The following LARP4B variants were observed in gnomAD, a reference collection of about 807,000 sequenced individuals.
The protein encoded by LARP4B is la-related protein 4B.
A neutral mutation model predicts 89.8 loss-of-function variants in LARP4B; 12 were observed. The ratio of observed to expected loss-of-function variants is 0.13; its 90% confidence interval spans 0.09 to 0.22. LARP4B has a LOEUF of 0.22. LARP4B is among the 10% of genes least tolerant of loss of function. The probability of loss-of-function intolerance (pLI) is 1.00; values close to 1 mark genes in which losing one functional copy is unlikely to be tolerated. For missense variants in LARP4B, 757 were observed against 947.7 expected (o/e 0.80, Z 2.64); for synonymous variants, 367 against 363.3 (o/e 1.01, Z -0.12).
At chr10:936,856 G>C in the LARP4B span, among the ~76,000 whole-genome samples, 1 of 152,172 alleles carries the variant, frequency 6.6e-6, no homozygotes, top group Non-Finnish European at 1.5e-5. Context: ...GGCAAATTAG[G>C]TGGAAGTATT....
chr10:945,676 A>C, the LARP4B span, among the ~76,000 whole-genome samples: 1 of 144,350 alleles, frequency 6.9e-6, no homozygotes, highest in Non-Finnish European at 1.5e-5. Context: ...CAACAGAGCG[A>C]GACTCCGTCT....
chr10:883,452 G>A (rs543012426), intron 3 of LARP4B, among the ~76,000 whole-genome samples: 18 of 152,058 alleles, frequency 1.2e-4, no homozygotes, highest in South Asian at 4.2e-4. Context: ...CGGAGGTTGC[G>A]GTGACCAAGA....
chr10:936,323 C>A (rs1265857233), upstream of LARP4B, among the ~76,000 whole-genome samples: 1 of 151,922 alleles, frequency 6.6e-6, no homozygotes, highest in Non-Finnish European at 1.5e-5. Context: ...GGGGTCCAAG[C>A]CAACTTAAGA....
the LARP4B span, among the ~76,000 whole-genome samples, chr10:965,439 C>G: frequency 2.7e-4 from 41 of 152,212 alleles, no homozygotes; most frequent in East Asian, 1.2e-3. Context: ...CCCGCTCCCC[C>G]CCGTTTCTCG....
chr10:843,796 A>G (rs1485184620), intron 6 of LARP4B, among the ~76,000 whole-genome samples: 1 of 152,182 alleles, frequency 6.6e-6, no homozygotes, highest in Non-Finnish European at 1.5e-5. Context: ...CATACCCAAA[A>G]TTCCTCCTGT....
At chr10:897,967 G>A (rs1483762772) in intron 1 of LARP4B, among the ~76,000 whole-genome samples, 3 of 113,740 alleles carry the variant, frequency 2.6e-5, no homozygotes, top group African/African-American at 3.5e-5. Context: ...CAGCCTGGGC[G>A]ACAAAGCGAG....
chr10:830,499 A>G (rs974998687), intron 9 of LARP4B, among the ~76,000 whole-genome samples: 2 of 152,192 alleles, frequency 1.3e-5, no homozygotes, highest in Non-Finnish European at 2.9e-5. Flanking sequence ...ACTTCTCAAT[A>G]CCATTAAAAG....
At chr10:863,528 C>T (rs572400067) in intron 5 of LARP4B, among the ~76,000 whole-genome samples, 2 of 152,242 alleles carry the variant, frequency 1.3e-5, no homozygotes, top group Non-Finnish European at 2.9e-5. Context: ...CGCGCCCGGC[C>T]CAGGTTTCAT....
At chr10:942,459 A>C in the LARP4B span, 2 of 152,164 alleles carry the variant, frequency 1.3e-5, no homozygotes, top group Admixed American at 6.6e-5. Flanking sequence ...ATCTTCTTTT[A>C]CGAATGTCCT....
intron 8 of LARP4B, among the ~76,000 whole-genome samples, chr10:831,214 T>A (rs967000303): frequency 1.3e-5 from 2 of 150,700 alleles, no homozygotes; most frequent in African/African-American, 4.9e-5. Flanking sequence ...ACTCTCAAGA[T>A]ACCATTAAGC....
chr10:979,417 G>A, the LARP4B span, among the ~76,000 whole-genome samples: 1 of 152,178 alleles, frequency 6.6e-6, no homozygotes, highest in South Asian at 2.1e-4. Flanking sequence ...GGAGGCCCCA[G>A]CAGAATTATA....
At chr10:931,230 G>A (rs1830595136) in intron 1 of LARP4B, among the ~76,000 whole-genome samples, 198 bp downstream of exon 1, 2 of 148,920 alleles carry the variant, frequency 1.3e-5, no homozygotes, top group Non-Finnish European at 3.0e-5. Flanking sequence ...CTCAGCCCTG[G>A]CCCTTCCCGT....
At chr10:865,552 G>A (rs1019018428) in intron 3 of LARP4B, among the ~76,000 whole-genome samples, 1 of 151,952 alleles carries the variant, frequency 6.6e-6, no homozygotes, top group Admixed American at 6.6e-5. Flanking sequence ...TGCTCTTCCC[G>A]TCCGTCTGTC....
intron 5 of LARP4B, among the ~76,000 whole-genome samples, chr10:852,918 G>A (rs1192187781): frequency 6.6e-6 from 1 of 152,126 alleles, no homozygotes; most frequent in Non-Finnish European, 1.5e-5. Flanking sequence ...AGATGTAAAA[G>A]ACCAGTACAC....
the LARP4B span, among the ~76,000 whole-genome samples, chr10:949,761 T>C: frequency 6.6e-6 from 1 of 152,256 alleles, no homozygotes; most frequent in Non-Finnish European, 1.5e-5. Flanking sequence ...TCCTCTTTGG[T>C]GAAATGTTTT....
At chr10:921,567 G>A (rs1396285311) in intron 1 of LARP4B, among the ~76,000 whole-genome samples, 1 of 152,150 alleles carries the variant, frequency 6.6e-6, no homozygotes, top group Non-Finnish European at 1.5e-5. Flanking sequence ...GAACTTACAG[G>A]AAATAGTATG....
intron 1 of LARP4B, among the ~76,000 whole-genome samples, chr10:914,057 C>T (rs1313146756): frequency 6.6e-6 from 1 of 152,058 alleles, no homozygotes; most frequent in Non-Finnish European, 1.5e-5. Context: ...AAATATCTAT[C>T]TCATTTATAG....
the LARP4B span, chr10:971,662 G>A: frequency 6.6e-6 from 1 of 152,090 alleles, no homozygotes; most frequent in African/African-American, 2.4e-5. Context: ...ACAGTTTGAA[G>A]GCACTAGAGA....
intron 7 of LARP4B, 102 bp from the exon 8 acceptor site, chr10:836,608 G>T: frequency 1.4e-6 from 1 of 732,990 alleles, no homozygotes; most frequent in Non-Finnish European, 2.2e-6. Flanking sequence ...ATAAGCTAAA[G>T]AAACCTGCAA....
Sources: gnomAD v4.1 joint callset for allele counts (sites outside exome capture counted in the v4.1 genomes callset) on GRCh38, gnomAD v4.1.1 for gene constraint, MANE v1.5 for transcripts, NCBI Gene and HGNC (gene_info 2026-07-23, HGNC 2026-07-21) for gene names.